The following STAG1 variants were observed in gnomAD, a reference collection of about 807,000 sequenced individuals.
STAG1 encodes the protein cohesin subunit SA-1.
Under a neutral mutation model 170.9 loss-of-function variants are expected in STAG1, and 26 were observed. That is an observed-to-expected ratio of 0.15 (90% confidence interval 0.11 to 0.21). The LOEUF (loss-of-function observed/expected upper bound fraction) is 0.21, where lower values mean the gene tolerates loss of function less well. STAG1 is among the 10% of genes least tolerant of loss of function. STAG1 has a pLI of 1.00. For missense variants in STAG1, 964 were observed against 1,509.5 expected, an observed-to-expected ratio of 0.64 and a Z score of 5.99; for synonymous variants, 514 against 497.7, an observed-to-expected ratio of 1.03 and a Z score of -0.44.
intron 3 of STAG1, 89 bp from the exon 4 acceptor site, chr3:136,604,562 T>G (rs1938840709): frequency 8.7e-7 from 1 of 1,146,384 alleles, no homozygotes; most frequent in East Asian, 2.8e-5. Context: ...ATATAATCCC[T>G]AACCAAAAGA....
At chr3:136,715,618 C>CA (rs2107923956) in intron 1 of STAG1, among the ~76,000 whole-genome samples, 1 of 150,942 alleles carries the variant, frequency 6.6e-6, no homozygotes, top group African/African-American at 2.4e-5. Flanking sequence ...GACTCCATTT[C>CA]AAAAAAGAAA....
intron 1 of STAG1, among the ~76,000 whole-genome samples, chr3:136,710,237 C>T (rs1943346882): frequency 6.6e-6 from 1 of 152,140 alleles, no homozygotes; most frequent in African/African-American, 2.4e-5. Context: ...CACCCAAACA[C>T]AATTCCAACA....
intron 7 of STAG1, among the ~76,000 whole-genome samples, chr3:136,514,721 A>C (rs914986439): frequency 7.9e-5 from 12 of 152,224 alleles, no homozygotes; most frequent in Non-Finnish European, 1.5e-4. Flanking sequence ...ACCATGGAAT[A>C]CTATGCAGCC....
intron 1 of STAG1, among the ~76,000 whole-genome samples, chr3:136,746,897 G>A (rs1268842126): frequency 1.3e-5 from 2 of 152,000 alleles, no homozygotes; most frequent in Non-Finnish European, 2.9e-5. Context: ...AGGAGTTCGA[G>A]ACCAGCCTGA....
intron 16 of STAG1, among the ~76,000 whole-genome samples, chr3:136,424,392 C>T (rs989120022): frequency 2.0e-5 from 3 of 147,386 alleles, no homozygotes; most frequent in African/African-American, 5.1e-5. Flanking sequence ...TGCAATGGCG[C>T]GATATTGGCT....
chr3:136,603,259 T>G (rs1938762768), intron 4 of STAG1, among the ~76,000 whole-genome samples: 1 of 151,874 alleles, frequency 6.6e-6, no homozygotes, highest in Non-Finnish European at 1.5e-5. Context: ...TGGCACAATC[T>G]CGGCTCACTG....
intron 22 of STAG1, among the ~76,000 whole-genome samples, chr3:136,394,686 C>T (rs919808001): frequency 1.1e-4 from 17 of 151,808 alleles, no homozygotes; most frequent in South Asian, 2.1e-4. Context: ...ATTTGGGAGG[C>T]GAAGACAGGC....
chr3:136,456,211 G>A (rs913565969), intron 13 of STAG1, among the ~76,000 whole-genome samples: 6 of 152,074 alleles, frequency 3.9e-5, no homozygotes, highest in African/African-American at 1.4e-4. Context: ...GCAATTCAGG[G>A]TAATCCTCTT....
At chr3:136,356,149 G>A (rs867658316) in intron 28 of STAG1, among the ~76,000 whole-genome samples, 11 of 150,030 alleles carry the variant, frequency 7.3e-5, no homozygotes, top group Middle Eastern at 3.3e-3. Context: ...CTCAGCCTCC[G>A]GAATAGCTGG....
rs868532985 is a variant in STAG1 at position 136,633,714 on chromosome 3, G to C, written c.-83-2733C>G. ...AAGTTTCCATATCAAAAAAAAAGGG[G>C]GGGGGGGGGGTCAGGGGCACAGATA... is the stretch of plus-strand genomic sequence containing the variant. On this transcript the variant is annotated intron_variant, in intron 1 of 33. Transcript: ENST00000383202. Among the ~76,000 whole-genome samples the C allele has an allele frequency of 3.9e-5, 5 of 127,492 alleles. No individual in the cohort carries two copies. The East Asian group carries it at 6.9e-4, about 18-fold the overall frequency. 83.6% of individuals were successfully genotyped at this position (127,492 alleles called of 152,430 possible).
At chr3:136,350,112 C>G (rs925670236) in intron 28 of STAG1, among the ~76,000 whole-genome samples, 1 of 152,066 alleles carries the variant, frequency 6.6e-6, no homozygotes, top group Admixed American at 6.5e-5. Context: ...TGCACTCCAG[C>G]CTGGGTGACA....
chr3:136,625,360 A>G (rs1469744426), intron 2 of STAG1, among the ~76,000 whole-genome samples: 1 of 152,188 alleles, frequency 6.6e-6, no homozygotes, highest in Non-Finnish European at 1.5e-5. Flanking sequence ...AATGACTTCA[A>G]TACCCTATCA....
chr3:136,551,549 A>G (rs72971417), intron 5 of STAG1, among the ~76,000 whole-genome samples: 203 of 151,012 alleles, frequency 1.3e-3, no homozygotes, highest in African/African-American at 3.1e-3. Flanking sequence ...CACAGTGCTC[A>G]AATTACAGGC....
chr3:136,427,155 G>A (rs1300152297), intron 16 of STAG1, among the ~76,000 whole-genome samples: 2 of 150,814 alleles, frequency 1.3e-5, no homozygotes, highest in African/African-American at 4.9e-5. Flanking sequence ...CTTGAACCCG[G>A]GAGGCAGATG....
chr3:136,396,213 T>G (rs1354378767), intron 22 of STAG1, among the ~76,000 whole-genome samples: 3 of 141,812 alleles, frequency 2.1e-5, no homozygotes, highest in East Asian at 2.1e-4. Context: ...AACACAGTTT[T>G]TTTTTTTTTT....
At chr3:136,363,996 G>C (rs1936978522) in intron 25 of STAG1, among the ~76,000 whole-genome samples, 1 of 152,190 alleles carries the variant, frequency 6.6e-6, no homozygotes, top group Non-Finnish European at 1.5e-5. Flanking sequence ...CTGACCTCAA[G>C]TGAGCTACCC....
chr3:136,484,936 C>T lies in STAG1; in HGVS notation c.903-7524G>A, dbSNP rs1490726429. On this transcript the variant is annotated intron_variant, in intron 9 of 33. Transcript: ENST00000383202. ...GGCAATGCCTCGCCCTGCTTCGGCT[C>T]GCGCACGGTGCGCGCACACACTGGC... Among the ~76,000 whole-genome samples the T allele has an allele frequency of 1.4e-4, 22 of 152,186 alleles. No homozygotes were observed. In the East Asian group the frequency reaches 3.3e-3, roughly 23 times the overall value.
In STAG1 at chr3:136,604,501, T is replaced by C. The variant is rs375021747; in HGVS notation, c.133-28A>G. On this transcript the variant is annotated intron_variant, in intron 3 of 33. Coordinates refer to ENST00000383202, the MANE Select transcript of STAG1 (RefSeq NM_005862.3). The stretch of plus-strand genomic sequence containing the variant: ...GAAAAAAAGATAAAAAAAGATTCCA[T>C]TCGATTAGGTTTACTTTGCTTTATA... The C allele has an allele frequency of 3.9e-4, 610 of 1,571,012 alleles. 1 individual carries two copies. The highest frequency in any genetic ancestry group is 5.0e-4 in the Non-Finnish European group (584 of 1,160,818).
chr3:136,432,520 G>T (rs968303600), intron 16 of STAG1, among the ~76,000 whole-genome samples: 4 of 144,742 alleles, frequency 2.8e-5, no homozygotes, highest in East Asian at 4.2e-4. Context: ...TTTTTGGGGG[G>T]GGGGGGGCAC....
Sources: allele counts gnomAD v4.1 joint callset (sites outside exome capture counted in the v4.1 genomes callset), GRCh38; gene constraint gnomAD v4.1.1; transcripts MANE v1.5; gene names NCBI Gene and HGNC (gene_info 2026-07-23, HGNC 2026-07-21).